NFAM1: variants seen among roughly 807,000 people sequenced by gnomAD.
NFAM1 encodes NFAT activation molecule 1.
NFAM1 carries 17 observed loss-of-function variants against 29.0 expected under a neutral mutation model. That is an observed-to-expected ratio of 0.59 (90% confidence interval 0.40 to 0.88). The LOEUF (loss-of-function observed/expected upper bound fraction) is 0.88. Among genes scored for constraint, NFAM1 ranks in the 40% least tolerant of loss-of-function variants. The pLI is 0.00. For missense variants in NFAM1, 324 were observed against 344.6 expected (o/e 0.94, Z 0.47); for synonymous variants, 175 against 147.2 (o/e 1.19, Z -1.36).
rs375021332 is a variant in NFAM1 at position 42,424,358 on chromosome 22, T to C, written c.121+7879A>G. Among the ~76,000 whole-genome samples the C allele has an allele frequency of 3.5e-3, 537 of 151,860 alleles. 5 individuals are homozygous for C. The highest frequency in any genetic ancestry group is 0.012 in the African/African-American group (504 of 41,294). On this transcript the variant is annotated intron_variant, in intron 1 of 5. Coordinates refer to ENST00000329021, the MANE Select transcript of NFAM1 (RefSeq NM_145912.8). ...TGAACCAGGGAGGCAGAGCTTGCGATGAACCGAGATTGTGCCACTGCACTC... is the reference window on the plus strand; with the variant it reads ...TGAACCAGGGAGGCAGAGCTTGCGACGAACCGAGATTGTGCCACTGCACTC...
At chr22:42,391,720 G>A (rs945745309) in intron 4 of NFAM1, among the ~76,000 whole-genome samples, 5 of 151,874 alleles carry the variant, frequency 3.3e-5, no homozygotes, top group South Asian at 2.1e-4. Flanking sequence ...TGAGGCAGGC[G>A]GATCATTTGA....
At chr22:42,386,497 C>T (rs1486213404) in intron 5 of NFAM1, among the ~76,000 whole-genome samples, 1 of 151,918 alleles carries the variant, frequency 6.6e-6, no homozygotes, top group Admixed American at 6.6e-5. Flanking sequence ...ATGACAATCA[C>T]AGAACCCTGA....
chr22:42,399,834 C>T (rs73435557), intron 3 of NFAM1, among the ~76,000 whole-genome samples: 5,765 of 152,274 alleles, frequency 0.038, 355 homozygotes, highest in African/African-American at 0.13. Flanking sequence ...AAACCCTGGC[C>T]TCCTGCCAAA....
chr22:42,426,847 G>A (rs1217130567), intron 1 of NFAM1, among the ~76,000 whole-genome samples: 1 of 151,940 alleles, frequency 6.6e-6, no homozygotes, highest in Non-Finnish European at 1.5e-5. Flanking sequence ...CCCTCACTGT[G>A]CCCTCGAGCC....
Position 42,419,930 on chromosome 22 carries a change from T to C in NFAM1, c.122-8194A>G, listed in dbSNP as rs182133841. 6.6e-6 allele frequency among the ~76,000 whole-genome samples: 1 copy of C among 150,430 alleles called. No homozygotes were observed. The highest frequency in any genetic ancestry group is 2.0e-4 in the East Asian group (1 of 4,990). Reference sequence around the variant, plus strand: ...AGAGAAGGCAAGAGGTTTGCCCAAATTGCAGTGGTAGACATGGGATTTTAA... The same window carrying C: ...AGAGAAGGCAAGAGGTTTGCCCAAACTGCAGTGGTAGACATGGGATTTTAA... On this transcript the variant is annotated intron_variant, in intron 1 of 5. Transcript: ENST00000329021. This position sits in a 1 kb window ranked among gnomAD's most constrained non-coding sequence, Gnocchi z 4.5.
At chr22:42,430,084 G>C (rs994244291) in intron 1 of NFAM1, among the ~76,000 whole-genome samples, 1 of 149,248 alleles carries the variant, frequency 6.7e-6, no homozygotes, top group Admixed American at 6.7e-5. Flanking sequence ...GCAACACTGT[G>C]AGTCTCTATC....
chr22:42,431,226 T>C (rs1930786038), intron 1 of NFAM1, among the ~76,000 whole-genome samples: 2 of 152,084 alleles, frequency 1.3e-5, no homozygotes, highest in South Asian at 4.1e-4. Flanking sequence ...GTCCTTAAAA[T>C]GGTGCAGGTG....
chr22:42,390,492 G>T (rs1355026253), intron 4 of NFAM1, among the ~76,000 whole-genome samples: 2 of 152,106 alleles, frequency 1.3e-5, no homozygotes, highest in Non-Finnish European at 2.9e-5. Flanking sequence ...ATGCTGCACT[G>T]AAAGGTCCCA....
At chr22:42,399,050 T>G (rs1396950198) in intron 3 of NFAM1, among the ~76,000 whole-genome samples, 2 of 152,154 alleles carry the variant, frequency 1.3e-5, no homozygotes, top group East Asian at 1.9e-4. Flanking sequence ...GGTGAAATCC[T>G]GAGGGCAAGA....
intron 3 of NFAM1, among the ~76,000 whole-genome samples, chr22:42,405,530 G>A (rs916220080): frequency 1.3e-5 from 2 of 151,654 alleles, no homozygotes; most frequent in African/African-American, 4.9e-5. Context: ...GGCATATATT[G>A]AGGGCGAGAG....
At chr22:42,396,306 G>T (rs1246889269) in intron 4 of NFAM1, among the ~76,000 whole-genome samples, 1 of 152,074 alleles carries the variant, frequency 6.6e-6, no homozygotes, top group Non-Finnish European at 1.5e-5. Flanking sequence ...TATTCACGTG[G>T]AAAGATGTTC....
At chr22:42,414,008 C>T (rs543237857) in intron 1 of NFAM1, among the ~76,000 whole-genome samples, 18 of 152,062 alleles carry the variant, frequency 1.2e-4, no homozygotes, top group African/African-American at 3.9e-4. Flanking sequence ...GAGCCAAGAT[C>T]GCGCCACTGC....
At chr22:42,437,833 C>T in the NFAM1 span, among the ~76,000 whole-genome samples, 1 of 152,178 alleles carries the variant, frequency 6.6e-6, no homozygotes, top group Non-Finnish European at 1.5e-5. Flanking sequence ...CAGGCAGAAC[C>T]AAGAGTGTGC....
intron 3 of NFAM1, among the ~76,000 whole-genome samples, chr22:42,405,199 C>T (rs1336034425): frequency 6.6e-6 from 1 of 152,150 alleles, no homozygotes; most frequent in Non-Finnish European, 1.5e-5. Context: ...CGGTCCGGTC[C>T]CATCTTTGTA....
chr22:42,437,378 A>G (rs1601770557), upstream of NFAM1, among the ~76,000 whole-genome samples: 4 of 152,086 alleles, frequency 2.6e-5, no homozygotes, highest in African/African-American at 9.6e-5. Flanking sequence ...CCTGGCCTCA[A>G]GTGATCTGCC....
chr22:42,422,564 C>T (rs577586138), intron 1 of NFAM1, among the ~76,000 whole-genome samples: 2 of 152,246 alleles, frequency 1.3e-5, no homozygotes, highest in African/African-American at 2.4e-5. Context: ...CGCGCCACTA[C>T]ACTCCAGCCT....
At chr22:42,429,934 G>A (rs1053917534) in intron 1 of NFAM1, among the ~76,000 whole-genome samples, 1 of 152,212 alleles carries the variant, frequency 6.6e-6, no homozygotes. Context: ...TGGAGTGACA[G>A]ATAGATGAAG....
rs1225206565 is a variant in NFAM1, at chr22:42,380,476, G to C, written c.*4685C>G. 2.6e-5 allele frequency: 4 copies of C among 152,390 alleles called. No homozygotes were observed. Among genetic ancestry groups the C allele is most frequent in the Admixed American group, 1.3e-4 (2 of 15,282 alleles). 9.4% of individuals were successfully genotyped at this position (152,390 alleles called of 1,614,324 possible). A position where few individuals can be genotyped will look rare whatever the true frequency, so the allele number is the denominator to read the frequency against. On this transcript the variant is annotated 3_prime_UTR_variant, in exon 6 of 6. Coordinates refer to ENST00000329021, the MANE Select transcript of NFAM1 (RefSeq NM_145912.8). ...CTGTCACCCACATATGTCACCTCCA[G>C]ACACACACAAAACACACGCCAACAC...
intron 2 of NFAM1, among the ~76,000 whole-genome samples, chr22:42,411,019 C>CTTTTTTTTTTTTTT (rs138369373): frequency 8.2e-6 from 1 of 121,776 alleles, no homozygotes; most frequent in Non-Finnish European, 1.7e-5. Context: ...CTTTTCTTTT[C>CTTTTTTTTTTTTTT]TTTTTTTTTT....
Sources: allele counts gnomAD v4.1 joint callset (sites outside exome capture counted in the v4.1 genomes callset), GRCh38; gene constraint gnomAD v4.1.1; non-coding constraint Gnocchi (gnomAD v3.1); transcripts MANE v1.5; gene names NCBI Gene and HGNC (gene_info 2026-07-23, HGNC 2026-07-21).